The following PEPD variants were observed in gnomAD, a reference collection of about 807,000 sequenced individuals.
PEPD encodes the protein xaa-Pro dipeptidase.
PEPD carries 53 observed loss-of-function variants against 60.7 expected under a neutral mutation model. The ratio of observed to expected loss-of-function variants is 0.87; its 90% confidence interval spans 0.70 to 1.10. The LOEUF is 1.10. PEPD is among the 50% of genes least tolerant of loss of function. The pLI, the probability that PEPD is intolerant of heterozygous loss-of-function variation, is 0.00. For missense variants in PEPD, 711 were observed against 711.9 expected (o/e 1.00, Z 0.01); for synonymous variants, 267 against 284.1 (o/e 0.94, Z 0.60).
intron 9 of PEPD, among the ~76,000 whole-genome samples, chr19:33,414,600 C>G (rs1384133187): frequency 2.1e-5 from 3 of 140,942 alleles, no homozygotes; most frequent in African/African-American, 7.6e-5. Flanking sequence ...CCGCCCACCC[C>G]CGACCAGGGC....
chr19:33,470,573 T>G (rs1970104021), intron 7 of PEPD, among the ~76,000 whole-genome samples: 1 of 152,060 alleles, frequency 6.6e-6, no homozygotes, highest in South Asian at 2.1e-4. Context: ...CTCAGAAACC[T>G]CTAACACTTA....
chr19:33,391,224 A>G, intron 13 of PEPD, 71 bp downstream of exon 13: 1 of 1,287,918 alleles, frequency 7.8e-7, no homozygotes, highest in South Asian at 1.2e-5. Flanking sequence ...CTAGAGTCCC[A>G]CCCTGCCCTG....
At chr19:33,483,005 GT>G (rs1293297095) in intron 6 of PEPD, among the ~76,000 whole-genome samples, 1 of 152,158 alleles carries the variant, frequency 6.6e-6, no homozygotes, top group East Asian at 1.9e-4. Context: ...TAATGGTCAC[GT>G]GCTGGAAGTT....
intron 7 of PEPD, among the ~76,000 whole-genome samples, chr19:33,470,797 G>C (rs1970107945): frequency 6.6e-6 from 1 of 152,090 alleles, no homozygotes; most frequent in African/African-American, 2.4e-5. Context: ...CCACCCCATG[G>C]CAGCATGGGA....
intron 9 of PEPD, among the ~76,000 whole-genome samples, chr19:33,438,422 G>C (rs772771352): frequency 4.6e-5 from 7 of 152,252 alleles, no homozygotes; most frequent in Non-Finnish European, 8.8e-5. Flanking sequence ...GACATCAAGA[G>C]AAGAGGCAGG....
intron 6 of PEPD, 24 bp downstream of exon 6, chr19:33,489,972 A>G (rs752461505): frequency 5.4e-6 from 8 of 1,486,330 alleles, no homozygotes; most frequent in Non-Finnish European, 7.5e-6. Flanking sequence ...GTGGGGAAAG[A>G]GTCCCTGGGG....
intron 9 of PEPD, among the ~76,000 whole-genome samples, chr19:33,430,786 T>G (rs1475939744): frequency 6.6e-6 from 1 of 152,102 alleles, no homozygotes; most frequent in East Asian, 1.9e-4. Flanking sequence ...TTCTGCCCAG[T>G]GGACACAGCG....
At chr19:33,492,016 C>T (rs557624101) in intron 5 of PEPD, among the ~76,000 whole-genome samples, 68 of 147,748 alleles carry the variant, frequency 4.6e-4, no homozygotes, top group African/African-American at 1.6e-3. Flanking sequence ...GAAGAGAAAC[C>T]TCTACTTTAC....
rs1172423332 is a variant in PEPD at position 33,478,035 on chromosome 19, G to A, written c.548+11C>T. 2.5e-6 allele frequency: 4 copies of A among 1,596,788 alleles called. No individual in the cohort carries two copies. ...CAACAAACAGGCAAGGTGACCACAG[G>A]CCGTACTCACCACTCAACGATCTCT... On this transcript the variant is annotated intron_variant, in intron 7 of 14. Transcript: ENST00000244137.
intron 9 of PEPD, among the ~76,000 whole-genome samples, chr19:33,436,521 C>T (rs947842584): frequency 3.9e-5 from 6 of 152,188 alleles, no homozygotes; most frequent in African/African-American, 1.2e-4. Flanking sequence ...AGGCCGCACT[C>T]GAGAGACCCA....
intron 12 of PEPD, among the ~76,000 whole-genome samples, chr19:33,398,099 C>G (rs1459215080): frequency 6.6e-6 from 1 of 152,212 alleles, no homozygotes; most frequent in African/African-American, 2.4e-5. Flanking sequence ...CCACCGAACA[C>G]CCCCCAGGCC....
chr19:33,401,346 G>A (rs986000081), intron 12 of PEPD, among the ~76,000 whole-genome samples: 3 of 152,266 alleles, frequency 2.0e-5, no homozygotes, highest in Admixed American at 6.5e-5. Flanking sequence ...AGCGGCACGT[G>A]AACCTGCTCT....
At chr19:33,395,482 T>A (rs1305648899) in intron 12 of PEPD, among the ~76,000 whole-genome samples, 2 of 152,150 alleles carry the variant, frequency 1.3e-5, no homozygotes, top group South Asian at 2.1e-4. Flanking sequence ...TGTCCCATCA[T>A]GCGCCTCATG....
At chr19:33,491,970 C>T (rs1435302860) in intron 5 of PEPD, among the ~76,000 whole-genome samples, 1 of 146,730 alleles carries the variant, frequency 6.8e-6, no homozygotes, top group Non-Finnish European at 1.5e-5. Flanking sequence ...AGAGAAGTTA[C>T]TGTTTATTTC....
intron 9 of PEPD, among the ~76,000 whole-genome samples, chr19:33,450,936 C>A (rs536350035): frequency 2.0e-5 from 3 of 152,208 alleles, no homozygotes; most frequent in Non-Finnish European, 4.4e-5. Flanking sequence ...GGAGTTACCA[C>A]CCCTTTCCAT....
At chr19:33,518,742 C>A (rs570518015) in intron 1 of PEPD, among the ~76,000 whole-genome samples, 1 of 152,074 alleles carries the variant, frequency 6.6e-6, no homozygotes, top group Non-Finnish European at 1.5e-5. Flanking sequence ...CCTGCGGATA[C>A]AAAAGAACCC....
At position 33,503,730 on chromosome 19, in the gene PEPD, C is replaced by T. The variant is rs545387464; in HGVS notation, c.330-2729G>A. On this transcript the variant is annotated intron_variant, in intron 3 of 14. Coordinates refer to ENST00000244137, the MANE Select transcript of PEPD (RefSeq NM_000285.4). ...GGCTCCATAACAAACACCCTGCGTC[C>T]CTCAGTTGTTCCCAGCTCTGCCTCT... Among the ~76,000 whole-genome samples, 8 of 152,330 alleles carry T rather than the reference C, an allele frequency of 5.3e-5. No homozygotes were observed. In the South Asian group the frequency reaches 1.7e-3, roughly 32 times the overall value.
intron 9 of PEPD, among the ~76,000 whole-genome samples, chr19:33,443,866 C>T (rs1350381941): frequency 2.8e-5 from 4 of 144,588 alleles, no homozygotes; most frequent in Admixed American, 6.9e-5. Context: ...CACACACTTG[C>T]GAACATGCGC....
chr19:33,445,755 C>T (rs894839777), intron 9 of PEPD, among the ~76,000 whole-genome samples: 3 of 152,220 alleles, frequency 2.0e-5, no homozygotes, highest in Non-Finnish European at 4.4e-5. Context: ...CCCAGATCCA[C>T]CAGTGAGTGT....
Sources: allele counts gnomAD v4.1 joint callset (sites outside exome capture counted in the v4.1 genomes callset), GRCh38; gene constraint gnomAD v4.1.1; transcripts MANE v1.5; gene names NCBI Gene and HGNC (gene_info 2026-07-23, HGNC 2026-07-21).